The following SYT1 variants were observed in gnomAD, a reference collection of about 807,000 sequenced individuals.
SYT1 encodes the protein synaptotagmin 1, also known as synaptotagmin-1.
Under a neutral mutation model 44.8 loss-of-function variants are expected in SYT1, and 8 were observed. The observed-to-expected ratio is 0.18, with a 90% CI of 0.10 to 0.32. The LOEUF (loss-of-function observed/expected upper bound fraction) is 0.32. Among genes scored for constraint, SYT1 ranks in the 10% least tolerant of loss-of-function variants. SYT1 has a pLI of 1.00. For synonymous variants in SYT1, 154 were observed against 188.8 expected (o/e 0.82, Z 1.51); for missense variants, 286 against 509.3 (o/e 0.56, Z 4.22).
intron 3 of SYT1, among the ~76,000 whole-genome samples, chr12:79,119,755 A>G (rs894739772): frequency 6.6e-6 from 1 of 152,216 alleles, no homozygotes; most frequent in African/African-American, 2.4e-5. Context: ...GGAACATTTC[A>G]AATCATTTTG....
chr12:79,441,285 T>TTTGTTG (rs746722709), intron 9 of SYT1, among the ~76,000 whole-genome samples: 1 of 152,030 alleles, frequency 6.6e-6, no homozygotes, highest in Admixed American at 6.5e-5. Flanking sequence ...TCAGCCCTGT[T>TTTGTTG]TTGTTGTTGT....
intron 9 of SYT1, among the ~76,000 whole-genome samples, chr12:79,417,122 T>C (rs61927382): frequency 0.14 from 20,899 of 152,108 alleles, 1,875 homozygotes; most frequent in Middle Eastern, 0.33. Flanking sequence ...ACAATGAACA[T>C]GTTCATTTAG....
chr12:79,231,214 G>C (rs1432511227), intron 4 of SYT1, among the ~76,000 whole-genome samples: 1 of 152,074 alleles, frequency 6.6e-6, no homozygotes, highest in Non-Finnish European at 1.5e-5. Context: ...TTAGTGCTTG[G>C]CTTTATTTTT....
At chr12:79,239,847 C>T (rs955547388) in intron 4 of SYT1, among the ~76,000 whole-genome samples, 1 of 152,172 alleles carries the variant, frequency 6.6e-6, no homozygotes, top group Admixed American at 6.5e-5. Context: ...GACTGAGACC[C>T]TCAGTTCCTA....
chr12:78,875,020 A>G (rs1273862876), intron 1 of SYT1, among the ~76,000 whole-genome samples: 1 of 151,666 alleles, frequency 6.6e-6, no homozygotes, highest in African/African-American at 2.4e-5. Flanking sequence ...AACCAAGAAC[A>G]GCAAATTGCA....
intron 4 of SYT1, among the ~76,000 whole-genome samples, chr12:79,230,389 G>A (rs1875800977): frequency 6.6e-6 from 1 of 151,926 alleles, no homozygotes; most frequent in Admixed American, 6.6e-5. Context: ...TTTTTGTACT[G>A]AAATAGAATT....
chr12:78,957,700 T>C (rs1879283766), intron 1 of SYT1, among the ~76,000 whole-genome samples: 1 of 152,324 alleles, frequency 6.6e-6, no homozygotes, highest in Middle Eastern at 3.4e-3. Flanking sequence ...TTTTTGTTAT[T>C]GTTACTGTTG....
chr12:78,979,062 C>T (rs541613140), intron 2 of SYT1, among the ~76,000 whole-genome samples: 7 of 152,220 alleles, frequency 4.6e-5, no homozygotes, highest in African/African-American at 1.7e-4. Flanking sequence ...ATTGTTGAAA[C>T]ACTTTTTTCA....
At chr12:79,117,679 AT>A (rs2138117811) in intron 3 of SYT1, among the ~76,000 whole-genome samples, 2 of 68,436 alleles carry the variant, frequency 2.9e-5, no homozygotes, top group Non-Finnish European at 6.0e-5. Flanking sequence ...ATATATATAT[AT>A]ATATATATAT....
At chr12:79,187,821 C>G (rs751385348) in intron 3 of SYT1, among the ~76,000 whole-genome samples, 4 of 152,100 alleles carry the variant, frequency 2.6e-5, no homozygotes, top group African/African-American at 4.8e-5. Context: ...GTTGGAATGT[C>G]TAATTTTGAT....
At chr12:79,359,177 T>C (rs997542621) in intron 9 of SYT1, among the ~76,000 whole-genome samples, 1 of 152,088 alleles carries the variant, frequency 6.6e-6, no homozygotes, top group Non-Finnish European at 1.5e-5. Flanking sequence ...TTCACCTAAA[T>C]TGGAGGAGTA....
chr12:79,132,893 C>T (rs1592778071), intron 3 of SYT1, among the ~76,000 whole-genome samples: 1 of 152,000 alleles, frequency 6.6e-6, no homozygotes, highest in Non-Finnish European at 1.5e-5. Context: ...TATATATACA[C>T]AATGAAATAC....
intron 9 of SYT1, among the ~76,000 whole-genome samples, chr12:79,423,055 G>A (rs1869215486): frequency 6.6e-6 from 1 of 152,136 alleles, no homozygotes; most frequent in Non-Finnish European, 1.5e-5. Context: ...ACTATAGTGA[G>A]GTCTTGAGAG....
intron 2 of SYT1, among the ~76,000 whole-genome samples, chr12:78,989,793 A>G (rs10861276): frequency 0.78 from 118,027 of 151,984 alleles, 46,884 homozygotes; most frequent in African/African-American, 0.94. Context: ...CAAAGAAAAA[A>G]CTAGGACATG....
chr12:79,396,897 G>A (rs1210357327), intron 9 of SYT1, among the ~76,000 whole-genome samples: 1 of 152,128 alleles, frequency 6.6e-6, no homozygotes, highest in Non-Finnish European at 1.5e-5. Context: ...CAACAAAGAA[G>A]ACAAATAGAA....
chr12:79,135,439 A>G (rs1869129657), intron 3 of SYT1, among the ~76,000 whole-genome samples: 6 of 152,194 alleles, frequency 3.9e-5, no homozygotes, highest in Admixed American at 3.9e-4. Context: ...CAATGCATTT[A>G]TAAAATGTTA....
intron 3 of SYT1, among the ~76,000 whole-genome samples, chr12:79,068,419 G>T (rs1368013320): frequency 6.6e-6 from 1 of 151,988 alleles, no homozygotes; most frequent in Admixed American, 6.6e-5. Context: ...TTATAATTGG[G>T]CCTAATCCTT....
intron 10 of SYT1, among the ~76,000 whole-genome samples, chr12:79,446,034 T>TATACATATATATATA (rs1491131045): frequency 1.7e-5 from 2 of 115,546 alleles, no homozygotes; most frequent in East Asian, 2.5e-4. Context: ...TATATATATA[T>TATACATATATATATA]TATGCCTAGG....
chr12:79,394,664 A>G (rs1345402560), intron 9 of SYT1, among the ~76,000 whole-genome samples: 1 of 152,234 alleles, frequency 6.6e-6, no homozygotes, highest in Non-Finnish European at 1.5e-5. Flanking sequence ...GGCTTATTTT[A>G]TGTTAAAGAA....
Sources: gnomAD v4.1 joint callset for allele counts (sites outside exome capture counted in the v4.1 genomes callset) on GRCh38, gnomAD v4.1.1 for gene constraint, MANE v1.5 for transcripts, NCBI Gene and HGNC (gene_info 2026-07-23, HGNC 2026-07-21) for gene names.